The following PIP5K1B variants were observed in gnomAD, a reference collection of about 807,000 sequenced individuals.
The protein encoded by PIP5K1B is phosphatidylinositol-4-phosphate 5-kinase type 1 beta, also known as phosphatidylinositol 4-phosphate 5-kinase type-1 beta.
PIP5K1B carries 42 observed loss-of-function variants against 67.0 expected under a neutral mutation model. The ratio of observed to expected loss-of-function variants is 0.63; its 90% CI spans 0.49 to 0.81. PIP5K1B has a LOEUF of 0.81. PIP5K1B is among the 30% of genes least tolerant of loss of function. The pLI, the probability that PIP5K1B is intolerant of heterozygous loss-of-function variation, is 0.00. For missense variants in PIP5K1B, 459 were observed against 646.3 expected (o/e 0.71, Z 3.14); for synonymous variants, 214 against 231.4 (o/e 0.92, Z 0.68).
intron 2 of PIP5K1B, among the ~76,000 whole-genome samples, chr9:68,795,520 G>A (rs1283388286): frequency 3.3e-5 from 5 of 152,220 alleles, no homozygotes; most frequent in Non-Finnish European, 7.3e-5. Context: ...CCTAATACCA[G>A]TTGACTGAGA....
chr9:68,922,830 T>C (rs1195077421), intron 11 of PIP5K1B, among the ~76,000 whole-genome samples: 2 of 152,242 alleles, frequency 1.3e-5, no homozygotes, highest in African/African-American at 2.4e-5. Flanking sequence ...TATTGGGAGA[T>C]GAAACCAGAA....
intron 6 of PIP5K1B, among the ~76,000 whole-genome samples, chr9:68,883,436 T>C (rs75701776): frequency 0.013 from 2,046 of 152,322 alleles, 48 homozygotes; most frequent in African/African-American, 0.046. Context: ...AAGTGGACGA[T>C]CAAAGTTGCC....
In PIP5K1B at chr9:69,008,506, G is replaced by A; in HGVS notation, c.*57G>A. On this transcript the variant is annotated 3_prime_UTR_variant, in exon 16 of 16. Transcript: ENST00000265382. Reference sequence around the variant, plus strand: ...GAGACGTGAGCACAGTTATGGCAGAGAAGTTTCTCCGCACCAGAATTATCC... The same window carrying A: ...GAGACGTGAGCACAGTTATGGCAGAAAAGTTTCTCCGCACCAGAATTATCC... 3.2e-6 allele frequency: 5 copies of A among 1,575,794 alleles called. No individual in the cohort carries two copies. The highest frequency in any genetic ancestry group is 4.4e-6 in the Non-Finnish European group (5 of 1,145,088).
At chr9:68,967,232 G>A (rs1829086693) in intron 14 of PIP5K1B, among the ~76,000 whole-genome samples, 1 of 152,092 alleles carries the variant, frequency 6.6e-6, no homozygotes, top group African/African-American at 2.4e-5. Flanking sequence ...CTTTTTTGTG[G>A]GGACCTTTAT....
intron 15 of PIP5K1B, among the ~76,000 whole-genome samples, chr9:69,003,565 C>G (rs115531784): frequency 0.01 from 1,581 of 152,166 alleles, 29 homozygotes; most frequent in African/African-American, 0.037. Context: ...CTTGGCCAAC[C>G]TAACTGTGGT....
At chr9:68,753,600 C>CT (rs1320263886) in intron 2 of PIP5K1B, among the ~76,000 whole-genome samples, 1 of 135,052 alleles carries the variant, frequency 7.4e-6, no homozygotes, top group Non-Finnish European at 1.5e-5. Context: ...TCTCAGCTCA[C>CT]TGCAAGCTCC....
At chr9:68,874,994 G>A (rs1823807372) in intron 5 of PIP5K1B, among the ~76,000 whole-genome samples, 1 of 151,968 alleles carries the variant, frequency 6.6e-6, no homozygotes, top group South Asian at 2.1e-4. Context: ...CCTTTTGACA[G>A]TCCCATGGGA....
At chr9:68,915,236 C>T (rs62566915) in intron 8 of PIP5K1B, among the ~76,000 whole-genome samples, 14,770 of 151,912 alleles carry the variant, frequency 0.097, 891 homozygotes, top group Non-Finnish European at 0.14. Context: ...CAAGTCTCTC[C>T]GAGAAAGGAA....
intron 12 of PIP5K1B, among the ~76,000 whole-genome samples, chr9:68,924,861 A>G (rs1435745917): frequency 2.0e-5 from 3 of 152,140 alleles, no homozygotes; most frequent in Admixed American, 2.0e-4. Context: ...TGAAAAAAAA[A>G]TGAAAATTCT....
At chr9:68,796,013 A>G (rs1401989549) in intron 2 of PIP5K1B, among the ~76,000 whole-genome samples, 1 of 152,230 alleles carries the variant, frequency 6.6e-6, no homozygotes, top group Non-Finnish European at 1.5e-5. Flanking sequence ...TAGAAATTGT[A>G]GAAAGTTCTG....
At chr9:68,797,372 A>G (rs1278971074) in intron 2 of PIP5K1B, among the ~76,000 whole-genome samples, 2 of 152,254 alleles carry the variant, frequency 1.3e-5, no homozygotes, top group Non-Finnish European at 2.9e-5. Context: ...GTCATTCAAT[A>G]TGTGCAAAGA....
At chr9:68,796,592 A>G (rs1832306483) in intron 2 of PIP5K1B, among the ~76,000 whole-genome samples, 1 of 152,196 alleles carries the variant, frequency 6.6e-6, no homozygotes, top group African/African-American at 2.4e-5. Flanking sequence ...GATCCAAACT[A>G]GAGAGTTTTG....
At position 68,895,710 on chromosome 9, in the gene PIP5K1B, T is replaced by C. The variant is rs115594300; in HGVS notation, c.771+1072T>C. Among the ~76,000 whole-genome samples the C allele has an allele frequency of 5.6e-3, 846 of 152,224 alleles. 11 individuals are homozygous for C. Among genetic ancestry groups the C allele is most frequent in the African/African-American group, 0.019 (808 of 41,552 alleles). On this transcript the variant is annotated intron_variant, in intron 8 of 15. Transcript: ENST00000265382. ...AAAAATGTGTCCTTAGAATTGTTTT[T>C]CTTTATTGACAGAGATGTTACTCCT...
intron 14 of PIP5K1B, among the ~76,000 whole-genome samples, chr9:68,970,984 TTATG>T (rs1326193481): frequency 3.3e-5 from 5 of 152,314 alleles, no homozygotes; most frequent in African/African-American, 1.2e-4. Context: ...TTTTTATTAT[TTATG>T]TATTTATTTA....
At chr9:69,005,030 G>A (rs761570444) in intron 15 of PIP5K1B, among the ~76,000 whole-genome samples, 1 of 152,032 alleles carries the variant, frequency 6.6e-6, no homozygotes, top group African/African-American at 2.4e-5. Flanking sequence ...AGTTGGCAGT[G>A]CTCACCCAAT....
chr9:68,767,550 C>T lies in PIP5K1B; in HGVS notation c.-86+24893C>T, dbSNP rs547586636. 1.7e-4 allele frequency among the ~76,000 whole-genome samples: 25 copies of T among 148,394 alleles called. No homozygotes were observed. The East Asian group carries it at 2.6e-3, about 15-fold the overall frequency. On this transcript the variant is annotated intron_variant, in intron 2 of 15. Coordinates refer to ENST00000265382, the MANE Select transcript of PIP5K1B (RefSeq NM_003558.4). Reference sequence around the variant, plus strand: ...TGGAAGCTGCAGTGAGCCGAGACTGCGCCACTGCACTCCAGCCTGGGTGAC... The same window carrying T: ...TGGAAGCTGCAGTGAGCCGAGACTGTGCCACTGCACTCCAGCCTGGGTGAC...
chr9:68,923,325 A>G lies in PIP5K1B; in HGVS notation c.1140A>G (p.Pro380=). 8.1e-6 allele frequency: 13 copies of G among 1,603,898 alleles called. No individual in the cohort carries two copies. Among genetic ancestry groups the G allele is most frequent in the Non-Finnish European group, 1.1e-5 (13 of 1,173,710 alleles). ...YDGDTVSVHR[P]SFYADRFLKF... ...AGGACACTGTTTCTGTTCATAGACC[A>G]AGCTTTTATGCAGACAGATTTCTTA... The change falls in exon 12 of 16, where the codon CCA becomes CCG. Residue 380 remains proline (P), a synonymous_variant. Transcript: ENST00000265382.
intron 1 of PIP5K1B, among the ~76,000 whole-genome samples, chr9:68,737,551 C>G (rs1828799082): frequency 6.6e-6 from 1 of 152,168 alleles, no homozygotes; most frequent in Admixed American, 6.5e-5. Flanking sequence ...ATGCATTTAC[C>G]TCTCTGGGGC....
intron 9 of PIP5K1B, among the ~76,000 whole-genome samples, 190 bp downstream of exon 9, chr9:68,917,949 T>G (rs529808232): frequency 6.6e-6 from 1 of 152,338 alleles, no homozygotes; most frequent in South Asian, 2.1e-4. Context: ...TTTCTCCAGT[T>G]ATTACTCCTT....
Sources: allele counts gnomAD v4.1 joint callset (sites outside exome capture counted in the v4.1 genomes callset), GRCh38; gene constraint gnomAD v4.1.1; transcripts MANE v1.5; gene names NCBI Gene and HGNC (gene_info 2026-07-23, HGNC 2026-07-21).